Variants in SLC6A11 observed in about 807,000 individuals in gnomAD.
SLC6A11 encodes the protein solute carrier family 6 member 11, also known as sodium- and chloride-dependent GABA transporter 3.
In SLC6A11, 25 loss-of-function variants were observed where a neutral mutation model predicts 74.8. That is an observed-to-expected ratio of 0.33 (90% CI 0.24 to 0.47). SLC6A11 has a LOEUF of 0.47. Among genes scored for constraint, SLC6A11 ranks in the 20% least tolerant of loss-of-function variants. SLC6A11 has a pLI of 1.00. For synonymous variants in SLC6A11, 330 were observed against 330.2 expected, an observed-to-expected ratio of 1.00 and a Z score of 0.01; for missense variants, 574 against 837.0, an observed-to-expected ratio of 0.69 and a Z score of 3.88.
intron 6 of SLC6A11, among the ~76,000 whole-genome samples, chr3:10,880,001 T>TA (rs1303025604): frequency 2.6e-5 from 4 of 152,088 alleles, no homozygotes; most frequent in Non-Finnish European, 5.9e-5. Flanking sequence ...AAAAAATATT[T>TA]AAAAAAAGCA....
intron 12 of SLC6A11, 40 bp downstream of exon 12, chr3:10,934,206 A>T (rs747263573): frequency 7.4e-7 from 1 of 1,356,286 alleles, no homozygotes; most frequent in African/African-American, 1.4e-5. Flanking sequence ...CCATCTACCC[A>T]CCCATCTACC....
chr3:10,843,953 G>A (rs952508423), intron 4 of SLC6A11, among the ~76,000 whole-genome samples: 29 of 152,146 alleles, frequency 1.9e-4, no homozygotes, highest in East Asian at 3.9e-4. Flanking sequence ...ATCCTCCATC[G>A]GAGCCCTTTC....
rs74712359 is a variant in SLC6A11 at position 10,924,739 on chromosome 3, T to C, written c.1121-1265T>C. Among the ~76,000 whole-genome samples, 1,247 of 152,334 alleles carry C rather than the reference T, an allele frequency of 8.2e-3. 20 individuals carry two copies. The highest frequency in any genetic ancestry group is 0.029 in the African/African-American group (1,198 of 41,580). ...TGAATAGACAATAAACATGTGAAGA[T>C]ACTCGATGTCATTAACTATCAGGGA... On this transcript the variant is annotated intron_variant, in intron 8 of 13. Coordinates refer to ENST00000254488, the MANE Select transcript of SLC6A11 (RefSeq NM_014229.3).
intron 4 of SLC6A11, among the ~76,000 whole-genome samples, chr3:10,840,426 C>A (rs1381947483): frequency 6.6e-6 from 1 of 152,214 alleles, no homozygotes; most frequent in Non-Finnish European, 1.5e-5. Flanking sequence ...CCCCACCTTT[C>A]TCTGTGCCCA....
At chr3:10,818,593 C>T (rs995921225) in intron 1 of SLC6A11, among the ~76,000 whole-genome samples, 4 of 152,150 alleles carry the variant, frequency 2.6e-5, no homozygotes, top group Admixed American at 6.5e-5. Context: ...TTAATCCTTA[C>T]GGTTAAGGAG....
chr3:10,937,004 C>T (rs1695767228), intron 13 of SLC6A11, among the ~76,000 whole-genome samples: 1 of 152,120 alleles, frequency 6.6e-6, no homozygotes, highest in South Asian at 2.1e-4. Context: ...AGTCCTTGTG[C>T]CAGGTAGTCC....
intron 5 of SLC6A11, among the ~76,000 whole-genome samples, chr3:10,865,053 T>C (rs150474202): frequency 1.1e-3 from 166 of 152,334 alleles, no homozygotes; most frequent in African/African-American, 3.7e-3. Flanking sequence ...CCCTCAGATA[T>C]GTTGTTCTCT....
At chr3:10,878,021 A>T (rs1305879570) in intron 6 of SLC6A11, among the ~76,000 whole-genome samples, 1 of 152,214 alleles carries the variant, frequency 6.6e-6, no homozygotes, top group Admixed American at 6.5e-5. Context: ...GGAAAACTGT[A>T]GTAGCCCCCT....
rs116251691 is a variant in SLC6A11, at chr3:10,939,972, C to A, written c.*1570C>A. 2.6e-5 allele frequency: 4 copies of A among 152,314 alleles called. No homozygotes were observed. The highest frequency in any genetic ancestry group is 4.8e-5 in the African/African-American group (2 of 41,558). 9.4% of individuals were successfully genotyped at this position (152,314 alleles called of 1,614,324 possible). ...GGTTCCCAATATTATTTGGTGGAAA[C>A]GTGGGCTTTCTCCAAACCAAGGCCT... On this transcript the variant is annotated 3_prime_UTR_variant, in exon 14 of 14. Transcript: ENST00000254488.
At chr3:10,930,838 G>GC (rs1459098325) in intron 10 of SLC6A11, among the ~76,000 whole-genome samples, 2 of 151,902 alleles carry the variant, frequency 1.3e-5, no homozygotes, top group Non-Finnish European at 2.9e-5. Flanking sequence ...GTGTTTCATG[G>GC]CCCCCAGAGG....
At chr3:10,839,436 G>A (rs530563386) in intron 4 of SLC6A11, among the ~76,000 whole-genome samples, 1 of 152,168 alleles carries the variant, frequency 6.6e-6, no homozygotes, top group Admixed American at 6.5e-5. Context: ...GGCCTGCAGC[G>A]TTTGCAGGTC....
At chr3:10,867,892 A>C (rs1193436515) in intron 5 of SLC6A11, among the ~76,000 whole-genome samples, 2 of 152,086 alleles carry the variant, frequency 1.3e-5, no homozygotes, top group Admixed American at 6.6e-5. Flanking sequence ...ATTTAATCAC[A>C]TTTTATTTTC....
At chr3:10,845,485 C>CT (rs1286146574) in intron 5 of SLC6A11, among the ~76,000 whole-genome samples, 13 of 152,216 alleles carry the variant, frequency 8.5e-5, no homozygotes, top group Non-Finnish European at 4.4e-5. Flanking sequence ...CTCATAAACT[C>CT]TAAGTTCTTG....
chr3:10,929,452 C>T (rs1695654396), intron 10 of SLC6A11, 113 bp downstream of exon 10: 19 of 1,112,652 alleles, frequency 1.7e-5, no homozygotes, highest in Non-Finnish European at 2.0e-5. Context: ...CTCTGCCACT[C>T]GGTTTATGCT....
rs747631471 is a variant in SLC6A11, at chr3:10,875,101, A to G, written c.891+6A>G. On this transcript the variant is annotated splice_donor_region_variant and intron_variant, in intron 6 of 13. Transcript: ENST00000254488. Reference sequence around the variant, plus strand: ...CCCGGCTCTCCGACCCCCAGGTAAGAGTCGCTTGCTCAATGTGCAGCATCA... The same window carrying G: ...CCCGGCTCTCCGACCCCCAGGTAAGGGTCGCTTGCTCAATGTGCAGCATCA... 8 of 1,601,458 alleles carry G rather than the reference A, an allele frequency of 5.0e-6. No homozygotes were observed. In the Admixed American group the frequency reaches 8.4e-5, roughly 17 times the overall value.
At chr3:10,928,190 T>C (rs995447393) in intron 9 of SLC6A11, among the ~76,000 whole-genome samples, 18 of 152,132 alleles carry the variant, frequency 1.2e-4, no homozygotes, top group African/African-American at 3.9e-4. Context: ...GTGTTATTAT[T>C]ATTAATTTAG....
rs1335212371 is a variant in SLC6A11, at chr3:10,868,911, C to T, written c.757-6050C>T. 9.9e-5 allele frequency among the ~76,000 whole-genome samples: 15 copies of T among 152,264 alleles called. No individual in the cohort carries two copies. In the East Asian group the frequency reaches 2.7e-3, roughly 27 times the overall value. On this transcript the variant is annotated intron_variant, in intron 5 of 13. Transcript: ENST00000254488. ...TTAAAGCCAAATCCTTTGTGATGTC[C>T]TTGTTTATAAATATGCCTCTGAAAA...
At chr3:10,823,498 C>T in intron 4 of SLC6A11, 106 bp downstream of exon 4, 2 of 720,806 alleles carry the variant, frequency 2.8e-6, no homozygotes, top group Non-Finnish European at 2.5e-6. Context: ...CTTCTTGCAG[C>T]CTGGCACTTC....
chr3:10,857,476 A>G (rs879313533), intron 5 of SLC6A11, among the ~76,000 whole-genome samples: 1 of 152,194 alleles, frequency 6.6e-6, no homozygotes, highest in Non-Finnish European at 1.5e-5. Flanking sequence ...TGTGCTGGGT[A>G]GCAGCTGTCT....
Sources: gnomAD v4.1 joint callset for allele counts (sites outside exome capture counted in the v4.1 genomes callset) on GRCh38, gnomAD v4.1.1 for gene constraint, MANE v1.5 for transcripts, NCBI Gene and HGNC (gene_info 2026-07-23, HGNC 2026-07-21) for gene names.